The following CSMD1 variants were observed in gnomAD, a reference collection of about 807,000 sequenced individuals.
CSMD1 encodes the protein CUB and Sushi multiple domains 1.
In CSMD1, 213 loss-of-function variants were observed where a neutral mutation model predicts 417.5. The observed-to-expected ratio is 0.51, with a 90% CI of 0.46 to 0.57. The LOEUF (loss-of-function observed/expected upper bound fraction) is 0.57, where lower values mean the gene tolerates loss of function less well. Among genes scored for constraint, CSMD1 ranks in the 20% least tolerant of loss-of-function variants. The probability of loss-of-function intolerance (pLI) is 0.00; values close to 1 mark genes in which losing one functional copy is unlikely to be tolerated. For synonymous variants in CSMD1, 2,862 were observed against 1,736.8 expected (o/e 1.65, Z -16.11); for missense variants, 6,923 against 4,529.7 (o/e 1.53, Z -15.17).
chr8:4,917,585 G>A (rs1343339192), intron 1 of CSMD1, among the ~76,000 whole-genome samples: 43 of 152,182 alleles, frequency 2.8e-4, no homozygotes, highest in Non-Finnish European at 3.1e-4. Flanking sequence ...AGTGAGCCGA[G>A]ATCATGCCAC....
At chr8:4,083,417 A>G (rs1027801285) in intron 3 of CSMD1, among the ~76,000 whole-genome samples, 1 of 152,140 alleles carries the variant, frequency 6.6e-6, no homozygotes, top group Admixed American at 6.6e-5. Context: ...TGTCTTCCGC[A>G]TCACGCCACC....
chr8:4,763,537 G>A (rs927961111), intron 1 of CSMD1, among the ~76,000 whole-genome samples: 7 of 152,124 alleles, frequency 4.6e-5, no homozygotes, highest in South Asian at 2.1e-4. Context: ...TTCTATGGTT[G>A]GGGCACCATA....
intron 26 of CSMD1, among the ~76,000 whole-genome samples, chr8:3,234,678 G>C (rs1398196620): frequency 6.6e-6 from 1 of 152,172 alleles, no homozygotes; most frequent in African/African-American, 2.4e-5. Flanking sequence ...GAGGAAGGCA[G>C]GATAGATGTG....
chr8:4,419,198 C>A (rs1471744287), intron 3 of CSMD1, among the ~76,000 whole-genome samples: 1 of 152,144 alleles, frequency 6.6e-6, no homozygotes, highest in Non-Finnish European at 1.5e-5. Flanking sequence ...TTTAAATTTA[C>A]AGACTCCAGA....
At chr8:4,070,060 G>T (rs907371049) in intron 3 of CSMD1, among the ~76,000 whole-genome samples, 3 of 151,080 alleles carry the variant, frequency 2.0e-5, no homozygotes, top group Admixed American at 6.6e-5. Context: ...TATACTTTTC[G>T]CAGTGTTTTA....
chr8:3,561,097 C>T (rs766589389), intron 10 of CSMD1, among the ~76,000 whole-genome samples: 2 of 152,192 alleles, frequency 1.3e-5, no homozygotes, highest in Non-Finnish European at 2.9e-5. Flanking sequence ...AGTGAGATGC[C>T]ACCTCACACC....
intron 1 of CSMD1, among the ~76,000 whole-genome samples, chr8:4,711,510 G>A (rs1808294079): frequency 6.6e-6 from 1 of 151,508 alleles, no homozygotes; most frequent in African/African-American, 2.4e-5. Context: ...AGTATTTTTG[G>A]GACATCTGTC....
At chr8:4,820,570 G>A (rs1008704520) in intron 1 of CSMD1, among the ~76,000 whole-genome samples, 1 of 152,116 alleles carries the variant, frequency 6.6e-6, no homozygotes, top group East Asian at 1.9e-4. Flanking sequence ...AAAAAAGTGA[G>A]CAAAGAAATG....
intron 25 of CSMD1, among the ~76,000 whole-genome samples, chr8:3,290,333 CT>C (rs1484968207): frequency 1.4e-5 from 2 of 146,468 alleles, no homozygotes; most frequent in African/African-American, 5.5e-5. Context: ...TCCATATGAA[CT>C]TTAAAGTAGT....
intron 2 of CSMD1, among the ~76,000 whole-genome samples, chr8:4,456,050 A>C (rs2129888719): frequency 8.9e-6 from 1 of 112,168 alleles, no homozygotes; most frequent in East Asian, 2.5e-4. Context: ...CTTCAATACT[A>C]TCATTGACCA....
At chr8:3,277,028 G>C (rs1747916675) in intron 26 of CSMD1, among the ~76,000 whole-genome samples, 1 of 152,094 alleles carries the variant, frequency 6.6e-6, no homozygotes, top group African/African-American at 2.4e-5. Flanking sequence ...CTTTGAATGT[G>C]AGATAGGCAC....
intron 2 of CSMD1, among the ~76,000 whole-genome samples, chr8:4,458,044 C>A (rs1025269282): frequency 6.6e-6 from 1 of 151,980 alleles, no homozygotes; most frequent in Non-Finnish European, 1.5e-5. Flanking sequence ...CTTTAAAATT[C>A]CTTTTACCCC....
intron 49 of CSMD1, among the ~76,000 whole-genome samples, chr8:3,058,722 G>A (rs967417585): frequency 6.6e-6 from 1 of 151,834 alleles, no homozygotes; most frequent in East Asian, 1.9e-4. Context: ...TTTCTAACAG[G>A]CTGCGTGGTC....
intron 26 of CSMD1, among the ~76,000 whole-genome samples, chr8:3,268,445 C>G (rs558753563): frequency 6.6e-6 from 1 of 151,860 alleles, no homozygotes; most frequent in African/African-American, 2.4e-5. Flanking sequence ...CCCGCCACCA[C>G]GCCCAGCTGA....
intron 1 of CSMD1, among the ~76,000 whole-genome samples, chr8:4,699,730 C>G (rs775703182): frequency 6.6e-6 from 1 of 152,164 alleles, no homozygotes; most frequent in Non-Finnish European, 1.5e-5. Context: ...GTGTTAATTT[C>G]TACTGTGATT....
chr8:2,941,583 T>A (rs1482997072), intron 69 of CSMD1, among the ~76,000 whole-genome samples: 2 of 152,346 alleles, frequency 1.3e-5, no homozygotes, highest in East Asian at 3.9e-4. Flanking sequence ...TCCAAAATAA[T>A]TCTTTTCTTC....
chr8:4,798,472 C>G (rs1169724988), intron 1 of CSMD1, among the ~76,000 whole-genome samples: 1 of 151,964 alleles, frequency 6.6e-6, no homozygotes, highest in Non-Finnish European at 1.5e-5. Flanking sequence ...TATAAAATGT[C>G]TATTAAAAAG....
chr8:3,451,373 G>C (rs1297103775), intron 12 of CSMD1, among the ~76,000 whole-genome samples: 1 of 152,174 alleles, frequency 6.6e-6, no homozygotes, highest in Non-Finnish European at 1.5e-5. Context: ...TGGTGTTTTA[G>C]ACATGAAGTC....
intron 41 of CSMD1, among the ~76,000 whole-genome samples, chr8:3,132,542 G>A (rs1193237381): frequency 6.6e-6 from 1 of 152,012 alleles, no homozygotes; most frequent in African/African-American, 2.4e-5. Flanking sequence ...AGATAGTGTT[G>A]GGGCTCAGGA....
Sources: allele counts gnomAD v4.1 joint callset (sites outside exome capture counted in the v4.1 genomes callset), GRCh38; gene constraint gnomAD v4.1.1; transcripts MANE v1.5; gene names NCBI Gene and HGNC (gene_info 2026-07-23, HGNC 2026-07-21).